The following NCKAP1 variants were observed in gnomAD, a reference collection of about 807,000 sequenced individuals.
NCKAP1 encodes the protein nck-associated protein 1.
NCKAP1 carries 21 observed loss-of-function variants against 151.2 expected under a neutral mutation model. That is an observed-to-expected ratio of 0.14 (90% confidence interval 0.10 to 0.20). The LOEUF (loss-of-function observed/expected upper bound fraction) is 0.20, where lower values mean the gene tolerates loss of function less well. NCKAP1 is among the 10% of genes least tolerant of loss of function. The pLI, the probability that NCKAP1 is intolerant of heterozygous loss-of-function variation, is 1.00. For synonymous variants in NCKAP1, 484 were observed against 451.8 expected, an observed-to-expected ratio of 1.07 and a Z score of -0.90; for missense variants, 933 against 1,352.1, an observed-to-expected ratio of 0.69 and a Z score of 4.86.
In NCKAP1 at chr2:183,038,110, G is replaced by A. The variant is rs749531068; in HGVS notation, c.-11C>T. ...CACTGAGCGCGACATGGTGGTGCTG[G>A]TGCCGCCGCCGCCGCCGGCCGCCTC... On this transcript the variant is annotated 5_prime_UTR_variant, in exon 1 of 31. Coordinates refer to ENST00000361354, the MANE Select transcript of NCKAP1 (RefSeq NM_013436.5). 17 of 1,542,398 alleles carry A rather than the reference G, an allele frequency of 1.1e-5. No homozygotes were observed. The Admixed American group carries it at 2.7e-4, about 25-fold the overall frequency.
chr2:183,002,598 T>A (rs1186989630), intron 4 of NCKAP1, among the ~76,000 whole-genome samples: 1 of 151,998 alleles, frequency 6.6e-6, no homozygotes, highest in Admixed American at 6.6e-5. Flanking sequence ...TTTTTTAAAG[T>A]TCACCATTAA....
At chr2:182,933,806 C>T (rs901371706) in intron 26 of NCKAP1, among the ~76,000 whole-genome samples, 9 of 151,972 alleles carry the variant, frequency 5.9e-5, no homozygotes, top group Admixed American at 3.9e-4. Flanking sequence ...ATATGTGAAA[C>T]AGAAACAATC....
At chr2:183,004,571 C>T (rs1216346799) in intron 2 of NCKAP1, among the ~76,000 whole-genome samples, 2 of 150,740 alleles carry the variant, frequency 1.3e-5, no homozygotes, top group African/African-American at 2.4e-5. Flanking sequence ...ATATTGCACT[C>T]CCTGAAGACA....
chr2:183,033,617 A>T (rs1005102153), intron 1 of NCKAP1, among the ~76,000 whole-genome samples: 7 of 152,246 alleles, frequency 4.6e-5, no homozygotes, highest in African/African-American at 1.7e-4. Flanking sequence ...ATAAATTAAA[A>T]GGGAAAACCT....
chr2:183,009,703 C>T (rs1249647420), intron 2 of NCKAP1, among the ~76,000 whole-genome samples: 1 of 152,176 alleles, frequency 6.6e-6, no homozygotes, highest in African/African-American at 2.4e-5. Context: ...ATTTGCACTG[C>T]TGTGCAACCA....
At position 182,911,805 on chromosome 2, in the gene NCKAP1, T is replaced by C. The variant is rs1696400580; in HGVS notation, c.*13897A>G. 6.6e-6 allele frequency: 1 copy of C among 152,172 alleles called. No homozygotes were observed. Among genetic ancestry groups the C allele is most frequent in the Non-Finnish European group, 1.5e-5 (1 of 68,038 alleles). 9.4% of individuals were successfully genotyped at this position (152,172 alleles called of 1,614,324 possible). A position where few individuals can be genotyped will look rare whatever the true frequency, so the allele number is the denominator to read the frequency against. ...CTTGCCCTTATATACTCTCTTATAA[T>C]TGCCTCAACAAATTCAAGATGGTTA... On this transcript the variant is annotated 3_prime_UTR_variant, in exon 31 of 31. Transcript: ENST00000361354.
rs1208959974 is a variant in NCKAP1, at chr2:182,910,435, A to ATAC, written c.*15264_*15266dup. 1 of 152,234 alleles carries ATAC rather than the reference A, an allele frequency of 6.6e-6. No homozygotes were observed. Among genetic ancestry groups the ATAC allele is most frequent in the Non-Finnish European group, 1.5e-5 (1 of 68,054 alleles). The allele number at this position is 152,234 out of a possible 1,614,324, so 9.4% of individuals were successfully genotyped here. A position where few individuals can be genotyped will look rare whatever the true frequency, so the allele number is the denominator to read the frequency against. ...ATAAATTGGGCATGGATGTTAATGTATACTCATATGTGCCCACAACAGTTG... is the reference window on the plus strand; with the variant it reads ...ATAAATTGGGCATGGATGTTAATGTATACTACTCATATGTGCCCACAACAGTTG... On this transcript the variant is annotated 3_prime_UTR_variant, in exon 31 of 31. Coordinates refer to ENST00000361354, the MANE Select transcript of NCKAP1 (RefSeq NM_013436.5).
intron 19 of NCKAP1, chr2:182,957,185 C>T (rs570727010): frequency 1.1e-4 from 29 of 275,724 alleles, no homozygotes; most frequent in Admixed American, 3.6e-4. Context: ...ATGTAACACA[C>T]AAAATTTTTT....
chr2:182,957,790 C>T (rs894080875), intron 18 of NCKAP1, among the ~76,000 whole-genome samples, 194 bp from the exon 19 acceptor site: 1 of 152,110 alleles, frequency 6.6e-6, no homozygotes, highest in Non-Finnish European at 1.5e-5. Context: ...AAAACAGAAA[C>T]GGGTAGATCT....
Position 182,950,594 on chromosome 2 carries a change from T to C in NCKAP1, c.2601+1811A>G, listed in dbSNP as rs565657694. Reference sequence around the variant, plus strand: ...ACAACCATATAAAGTTTATAAACTTTATATTTTAAGCCATCTAAAAGTTGA... The same window carrying C: ...ACAACCATATAAAGTTTATAAACTTCATATTTTAAGCCATCTAAAAGTTGA... On this transcript the variant is annotated intron_variant, in intron 23 of 30. Coordinates refer to ENST00000361354, the MANE Select transcript of NCKAP1 (RefSeq NM_013436.5). Among the ~76,000 whole-genome samples the C allele has an allele frequency of 2.9e-4, 44 of 152,280 alleles. No individual in the cohort carries two copies. The South Asian group carries it at 7.9e-3, about 27-fold the overall frequency.
chr2:182,926,823 A>G lies in NCKAP1; in HGVS notation c.3263T>C (p.Leu1088Pro). 1 of 1,587,258 alleles carries G rather than the reference A, an allele frequency of 6.3e-7. No homozygotes were observed. The highest frequency in any genetic ancestry group is 8.6e-7 in the Non-Finnish European group (1 of 1,160,800). The change falls in exon 30 of 31, where the codon CTA (leucine) becomes CCA (proline). Residue 1088 changes from leucine (L) to proline (P), a missense_variant. By Grantham distance (98) the Leu-to-Pro change is moderately conservative. Transcript: ENST00000361354. ...TRNRESVYLL[L>P]DMIVQESPFL... ...AATTAAAATGAGACTTACCATATCTAGCAGTAAATAAACAGATTCTCTATT... is the reference window on the plus strand; with the variant it reads ...AATTAAAATGAGACTTACCATATCTGGCAGTAAATAAACAGATTCTCTATT...
intron 2 of NCKAP1, among the ~76,000 whole-genome samples, chr2:183,006,991 C>G (rs1559103700): frequency 6.6e-6 from 1 of 152,124 alleles, no homozygotes; most frequent in Non-Finnish European, 1.5e-5. Flanking sequence ...TCTGCCTCAC[C>G]CTCCCAAGTA....
chr2:182,940,554 C>G lies in NCKAP1; in HGVS notation c.2695+1516G>C, dbSNP rs149291105. 7.4e-3 allele frequency among the ~76,000 whole-genome samples: 1,123 copies of G among 152,274 alleles called. 12 individuals carry two copies. The highest frequency in any genetic ancestry group is 0.026 in the African/African-American group (1,078 of 41,546). On this transcript the variant is annotated intron_variant, in intron 24 of 30. Transcript: ENST00000361354. ...TCCCGGGTTCAAGCAATTCTCCTAC[C>G]TCAGCCTCCTGAGTAGCTGGGATTA...
Position 183,002,719 on chromosome 2 carries a change from CA to C in NCKAP1, c.369+254del, listed in dbSNP as rs556870969. 4.6e-5 allele frequency among the ~76,000 whole-genome samples: 7 copies of C among 151,888 alleles called. No individual in the cohort carries two copies. In the South Asian group the frequency reaches 1.5e-3, roughly 31 times the overall value. On this transcript the variant is annotated intron_variant, in intron 4 of 30. Coordinates refer to ENST00000361354, the MANE Select transcript of NCKAP1 (RefSeq NM_013436.5). ...AGAAAATATTATCCACTTAACTTTT[CA>C]AAATTGGGCCTATTAAATAAAATAC... is the stretch of plus-strand genomic sequence containing the variant.
chr2:182,951,643 AAAAAAAAAAC>A (rs1236048081), intron 23 of NCKAP1, among the ~76,000 whole-genome samples: 9 of 150,858 alleles, frequency 6.0e-5, no homozygotes, highest in South Asian at 2.1e-4. Flanking sequence ...TCTCAAAAAA[AAAAAAAAAAC>A]AAACAAACAA....
At chr2:182,977,798 T>C (rs1309245718) in intron 14 of NCKAP1, among the ~76,000 whole-genome samples, 2 of 152,210 alleles carry the variant, frequency 1.3e-5, no homozygotes, top group African/African-American at 2.4e-5. Flanking sequence ...TACAACAATA[T>C]GAATATACTT....
At chr2:182,960,238 G>A (rs1339053560) in intron 18 of NCKAP1, among the ~76,000 whole-genome samples, 3 of 152,118 alleles carry the variant, frequency 2.0e-5, no homozygotes, top group African/African-American at 7.2e-5. Context: ...CTACTTTAAA[G>A]TTCATATGGA....
chr2:183,034,476 C>T (rs1220590078), intron 1 of NCKAP1, among the ~76,000 whole-genome samples: 1 of 149,688 alleles, frequency 6.7e-6, no homozygotes, highest in South Asian at 2.1e-4. Flanking sequence ...CTTTTTAATA[C>T]AGAGATTAAT....
rs186225161 is a variant in NCKAP1, at chr2:183,017,475, G to T, written c.219+6331C>A. Among the ~76,000 whole-genome samples, 53 of 152,152 alleles carry T rather than the reference G, an allele frequency of 3.5e-4. 1 individual carries two copies. In the South Asian group the frequency reaches 8.3e-3, roughly 24 times the overall value. On this transcript the variant is annotated intron_variant, in intron 2 of 30. Transcript: ENST00000361354. Reference sequence around the variant, plus strand: ...CCTCGTGTGCACAGTTCACAATAGGGTTTTCACTCCTATGAGAATCTAATG... The same window carrying T: ...CCTCGTGTGCACAGTTCACAATAGGTTTTTCACTCCTATGAGAATCTAATG...
Sources: gnomAD v4.1 joint callset for allele counts (sites outside exome capture counted in the v4.1 genomes callset) on GRCh38, gnomAD v4.1.1 for gene constraint, MANE v1.5 for transcripts, NCBI Gene and HGNC (gene_info 2026-07-23, HGNC 2026-07-21) for gene names.